The following ZNF536 variants were observed in gnomAD, a reference collection of about 807,000 sequenced individuals.
The protein encoded by ZNF536 is zinc finger protein 536.
A neutral mutation model predicts 84.5 loss-of-function variants in ZNF536; 13 were observed. That is an observed-to-expected ratio of 0.15 (90% CI 0.10 to 0.24). ZNF536 has a LOEUF of 0.24. Among genes scored for constraint, ZNF536 ranks in the 10% least tolerant of loss-of-function variants. The pLI is 1.00. For missense variants in ZNF536, 1,536 were observed against 1,747.5 expected (o/e 0.88, Z 2.16); for synonymous variants, 811 against 742.5 (o/e 1.09, Z -1.50).
intron 1 of ZNF536, among the ~76,000 whole-genome samples, chr19:30,381,296 G>A (rs1600476531): frequency 6.6e-6 from 1 of 152,236 alleles, no homozygotes; most frequent in East Asian, 1.9e-4. Flanking sequence ...GGGACTGGGT[G>A]ACAGGCAAGT....
chr19:30,345,802 C>T (rs910693311), intron 2 of ZNF536, among the ~76,000 whole-genome samples: 3 of 152,174 alleles, frequency 2.0e-5, no homozygotes, highest in Admixed American at 6.5e-5. Flanking sequence ...AGTGTCATCC[C>T]GGGGACTAGG....
intron 1 of ZNF536, among the ~76,000 whole-genome samples, chr19:30,569,813 C>T (rs1353039315): frequency 6.6e-6 from 1 of 151,960 alleles, no homozygotes; most frequent in Non-Finnish European, 1.5e-5. Context: ...CTCAAGTGAT[C>T]TACCCACCTC....
chr19:30,343,471 G>A (rs901677887), intron 2 of ZNF536, among the ~76,000 whole-genome samples: 3 of 152,142 alleles, frequency 2.0e-5, no homozygotes, highest in Non-Finnish European at 2.9e-5. Context: ...CAGTTGAGGG[G>A]CCTTGACCTG....
intron 2 of ZNF536, among the ~76,000 whole-genome samples, chr19:30,343,455 C>T (rs2047629117): frequency 6.6e-6 from 1 of 152,170 alleles, no homozygotes; most frequent in Non-Finnish European, 1.5e-5. Flanking sequence ...CTCCCTGCTC[C>T]ATCTCCAGTT....
intron 2 of ZNF536, among the ~76,000 whole-genome samples, chr19:30,525,614 G>A (rs982475561): frequency 1.3e-5 from 2 of 152,192 alleles, no homozygotes; most frequent in Admixed American, 1.3e-4. Context: ...GATGTGGAAG[G>A]TGACATGGGC....
chr19:30,290,822 A>G lies in ZNF536; in HGVS notation c.-120+6681A>G, dbSNP rs1429041164. ...CCTGCATGTATTAGGTATTTGTCCT[A>G]ATGGTCTCCCTCCCTTTGCCCCCCA... is the stretch of plus-strand genomic sequence containing the variant. On this transcript the variant is annotated intron_variant, in intron 2 of 5. Coordinates refer to the ZNF536 transcript ENST00000585628. Among the ~76,000 whole-genome samples the G allele has an allele frequency of 2.0e-5, 3 of 152,110 alleles. No homozygotes were observed. The East Asian group carries it at 5.8e-4, about 29-fold the overall frequency.
At chr19:30,578,267 T>C (rs2046807179) in intron 1 of ZNF536, among the ~76,000 whole-genome samples, 1 of 152,250 alleles carries the variant, frequency 6.6e-6, no homozygotes, top group African/African-American at 2.4e-5. Context: ...CCTGATATTA[T>C]AGAAACCTGG....
intron 3 of ZNF536, among the ~76,000 whole-genome samples, chr19:30,365,810 C>G (rs1403654820): frequency 6.6e-6 from 1 of 152,154 alleles, no homozygotes; most frequent in African/African-American, 2.4e-5. Context: ...ACACTTTTTC[C>G]CATAACATAT....
At chr19:30,659,953 GTGTGTGT>G (rs1568645802) in intron 1 of ZNF536, among the ~76,000 whole-genome samples, 16 of 115,462 alleles carry the variant, frequency 1.4e-4, no homozygotes, top group African/African-American at 4.1e-4. Flanking sequence ...TGACACAAGG[GTGTGTGT>G]GTGTGTGTGT....
intron 1 of ZNF536, among the ~76,000 whole-genome samples, chr19:30,596,236 G>GA (rs200158968): frequency 2.0e-4 from 30 of 147,864 alleles, no homozygotes; most frequent in African/African-American, 2.5e-4. Flanking sequence ...AGGGAAAGGA[G>GA]AAAAAAAAAT....
At chr19:30,493,585 A>T (rs184577304) in intron 2 of ZNF536, among the ~76,000 whole-genome samples, 2 of 152,298 alleles carry the variant, frequency 1.3e-5, no homozygotes, top group Non-Finnish European at 2.9e-5. Context: ...AGGTAGTAGA[A>T]ATTCAGTCTT....
chr19:30,575,486 G>A (rs533282612), intron 1 of ZNF536, among the ~76,000 whole-genome samples: 1 of 152,356 alleles, frequency 6.6e-6, no homozygotes. Context: ...CGAGACTGAG[G>A]GAGTAGCGAC....
intron 2 of ZNF536, among the ~76,000 whole-genome samples, chr19:30,516,229 C>G (rs1273942072): frequency 6.6e-6 from 1 of 152,102 alleles, no homozygotes; most frequent in Non-Finnish European, 1.5e-5. Context: ...TACCTCACCA[C>G]AAGATGCAAA....
At chr19:30,376,792 C>A (rs1600456155) in intron 1 of ZNF536, among the ~76,000 whole-genome samples, 1 of 152,244 alleles carries the variant, frequency 6.6e-6, no homozygotes, top group South Asian at 2.1e-4. Context: ...CCAGTTGACT[C>A]CCTTGACTGC....
At chr19:30,426,298 G>T (rs763321206) in intron 1 of ZNF536, among the ~76,000 whole-genome samples, 1 of 152,206 alleles carries the variant, frequency 6.6e-6, no homozygotes, top group Admixed American at 6.5e-5. Context: ...TTTATGAGGT[G>T]CCTTGATTTA....
chr19:30,519,033 G>A (rs779525695), intron 2 of ZNF536, among the ~76,000 whole-genome samples: 34 of 152,198 alleles, frequency 2.2e-4, no homozygotes, highest in Non-Finnish European at 4.3e-4. Flanking sequence ...ACATCTGGGC[G>A]GACTTTCTCC....
At chr19:30,349,377 G>A (rs561802983) in intron 2 of ZNF536, among the ~76,000 whole-genome samples, 9 of 152,292 alleles carry the variant, frequency 5.9e-5, no homozygotes, top group African/African-American at 1.7e-4. Context: ...AGTGAAGGCC[G>A]AATGAGTGGT....
At chr19:30,256,289 C>G (rs2024914074) in intron 1 of ZNF536, among the ~76,000 whole-genome samples, 1 of 152,162 alleles carries the variant, frequency 6.6e-6, no homozygotes, top group East Asian at 1.9e-4. Flanking sequence ...TCCAAGACGT[C>G]GTATGCGATT....
chr19:30,585,995 A>C (rs1482178318), intron 1 of ZNF536, among the ~76,000 whole-genome samples: 1 of 152,154 alleles, frequency 6.6e-6, no homozygotes, highest in Non-Finnish European at 1.5e-5. Context: ...CGTATCAGTC[A>C]ATCAGACAAG....
Sources: gnomAD v4.1 joint callset for allele counts (sites outside exome capture counted in the v4.1 genomes callset) on GRCh38, gnomAD v4.1.1 for gene constraint, MANE v1.5 for transcripts, NCBI Gene and HGNC (gene_info 2026-07-23, HGNC 2026-07-21) for gene names.